The following STK36 variants were observed in gnomAD, a reference collection of about 807,000 sequenced individuals.
The protein encoded by STK36 is serine/threonine kinase 36, also known as serine/threonine-protein kinase 36.
STK36 carries 116 observed loss-of-function variants against 142.2 expected under a neutral mutation model. The ratio of observed to expected loss-of-function variants is 0.82; its 90% confidence interval spans 0.70 to 0.95. STK36 has a LOEUF of 0.95. Among genes scored for constraint, STK36 ranks in the 40% least tolerant of loss-of-function variants. The probability of loss-of-function intolerance (pLI) is 0.00; values close to 1 mark genes in which losing one functional copy is unlikely to be tolerated. For missense variants in STK36, 1,422 were observed against 1,617.2 expected, an observed-to-expected ratio of 0.88 and a Z score of 2.07; for synonymous variants, 619 against 641.7, an observed-to-expected ratio of 0.96 and a Z score of 0.53.
At position 218,694,297 on chromosome 2, in the gene STK36, CTT is replaced by C. The variant is rs1322677783; in HGVS notation, c.2372_2373del (p.Phe791TyrfsTer27). ...EKLGSDVATL[F>X]THSHVVSLVS... is the part of the protein sequence containing the mutation. Reference sequence around the variant, plus strand: ...AGCTAGGCAGTGACGTTGCTACTCTCTTTACCCATTCGCATGTCGTCTCTCTT... The same window carrying C: ...AGCTAGGCAGTGACGTTGCTACTCTCTACCCATTCGCATGTCGTCTCTCTT... On this transcript the variant is annotated frameshift_variant, in exon 20 of 27. Transcript: ENST00000295709. LOFTEE classifies it high-confidence loss of function. The surrounding 1 kb of genome is among the most constrained non-coding windows in gnomAD (Gnocchi z 4.4). 2 of 1,614,164 alleles carry C rather than the reference CTT, an allele frequency of 1.2e-6. No individual in the cohort carries two copies. The highest frequency in any genetic ancestry group is 1.7e-6 in the Non-Finnish European group (2 of 1,179,982).
chr2:218,678,153 G>A (rs1406834012), intron 6 of STK36, among the ~76,000 whole-genome samples: 2 of 151,942 alleles, frequency 1.3e-5, no homozygotes, highest in African/African-American at 4.8e-5. Context: ...GTCTCACTGT[G>A]TTGCCCAGGC....
chr2:218,674,418 C>T (rs982750085), intron 4 of STK36, among the ~76,000 whole-genome samples: 1 of 152,206 alleles, frequency 6.6e-6, no homozygotes, highest in South Asian at 2.1e-4. Context: ...GGATTTGGCA[C>T]CAGGACGTAG....
In STK36 at chr2:218,693,748, G is replaced by A. The variant is rs770496684; in HGVS notation, c.2174G>A (p.Ser725Asn). ...LKVLYSCCLV[S>N]EGLCRLLGQE... is the part of the protein sequence containing the mutation. ...GTTCTATACTCCTGCTGCCTTGTCAGTGAGGGCCTGTGCCGTCTTCTGGGG... is the reference window on the plus strand; with the variant it reads ...GTTCTATACTCCTGCTGCCTTGTCAATGAGGGCCTGTGCCGTCTTCTGGGG... Residue 725 changes from serine to asparagine, a missense_variant, in exon 18 of 27, where the codon AGT becomes AAT. Physicochemically the swap from Ser to Asn is conservative, Grantham distance 46. This residue lies in a region of STK36 where 962 missense variants were observed against 1,167.5 expected (regional missense o/e 0.82). Transcript: ENST00000295709. 6.2e-7 allele frequency: 1 copy of A among 1,614,128 alleles called. No individual in the cohort carries two copies. The highest frequency in any genetic ancestry group is 1.7e-5 in the Admixed American group (1 of 60,032).
chr2:218,679,835 A>G, intron 8 of STK36, 58 bp from the exon 9 acceptor site: 1 of 1,604,208 alleles, frequency 6.2e-7, no homozygotes, highest in Middle Eastern at 1.7e-4. Flanking sequence ...AATAGCATTC[A>G]TATTGTCCTA....
In STK36 at chr2:218,697,758, T is replaced by TA. The variant is rs1435012972; in HGVS notation, c.2910-95dup. 1.9e-5 allele frequency: 30 copies of TA among 1,597,796 alleles called. No homozygotes were observed. The Admixed American group carries it at 2.2e-4, about 12-fold the overall frequency. ...GAAACCTAAGTAGTGGCTGAGACTGTAGAAGGGGAGTTGGGCAAAGGAATT... is the reference window on the plus strand; with the variant it reads ...GAAACCTAAGTAGTGGCTGAGACTGTAAGAAGGGGAGTTGGGCAAAGGAATT... On this transcript the variant is annotated intron_variant, in intron 24 of 26. Coordinates refer to ENST00000295709, the MANE Select transcript of STK36 (RefSeq NM_015690.5).
At chr2:218,690,686 A>G (rs1374787078) in intron 14 of STK36, 131 bp downstream of exon 14, 20 of 734,174 alleles carry the variant, frequency 2.7e-5, no homozygotes, top group South Asian at 3.3e-5. Context: ...CCACCATGCC[A>G]TATGCCATGT....
intron 6 of STK36, among the ~76,000 whole-genome samples, chr2:218,677,353 T>C (rs527936111): frequency 6.6e-6 from 1 of 152,190 alleles, no homozygotes; most frequent in East Asian, 1.9e-4. Flanking sequence ...CCTCCAACAT[T>C]GGGTATTACA....
chr2:218,689,117 C>G lies in STK36; in HGVS notation c.1560+241C>G, dbSNP rs1214295331. Reference sequence around the variant, plus strand: ...GTGGGGAATATGATGAACTAGAGTTCACATGCCTCCTCTAAATAGAGTAGA... The same window carrying G: ...GTGGGGAATATGATGAACTAGAGTTGACATGCCTCCTCTAAATAGAGTAGA... On this transcript the variant is annotated intron_variant, in intron 12 of 26. Coordinates refer to ENST00000295709, the MANE Select transcript of STK36 (RefSeq NM_015690.5). Among the ~76,000 whole-genome samples, 3 of 152,154 alleles carry G rather than the reference C, an allele frequency of 2.0e-5. No individual in the cohort carries two copies. The East Asian group carries it at 5.8e-4, about 29-fold the overall frequency.
At position 218,702,069 on chromosome 2, in the gene STK36, C is replaced by T; in HGVS notation, c.*60C>T. 6.3e-7 allele frequency: 1 copy of T among 1,586,724 alleles called. No homozygotes were observed. The highest frequency in any genetic ancestry group is 8.6e-7 in the Non-Finnish European group (1 of 1,166,128). On this transcript the variant is annotated 3_prime_UTR_variant, in exon 27 of 27. Coordinates refer to ENST00000295709, the MANE Select transcript of STK36 (RefSeq NM_015690.5). ...TTGCCAGCTCTTTCTTATTCTACTA[C>T]ACAAGCCGCCAACTCAACTGAGAGC...
Position 218,697,999 on chromosome 2 carries a change from C to G in STK36, c.3055C>G (p.Gln1019Glu). 1 of 1,614,096 alleles carries G rather than the reference C, an allele frequency of 6.2e-7. No homozygotes were observed. The highest frequency in any genetic ancestry group is 1.3e-5 in the African/African-American group (1 of 75,024). Residue 1019 changes from glutamine to glutamate, a missense_variant and splice_region_variant, in exon 25 of 27, where the codon CAG (glutamine) becomes GAG (glutamate). Around this residue, in one of 2 missense-constraint regions of STK36, gnomAD observed 962 missense variants for 1,167.5 expected, o/e 0.82. Transcript: ENST00000295709. ...CTCAGAAGTTGCAGCCCATCTGCTG[C>G]AGGTACTTGGGCAGCTAGCATGAAG... is the stretch of plus-strand genomic sequence containing the variant. ...RDSEVAAHLL[Q>E]VCCYHLPLMQ...
Position 218,692,132 on chromosome 2 carries a change from C to G in STK36, c.1765-11C>G. ...ATGCCCTGATGCTACCTCTGCACTTCTCTCCTTTAGTGCTTTACTGTCCTG... is the reference window on the plus strand; with the variant it reads ...ATGCCCTGATGCTACCTCTGCACTTGTCTCCTTTAGTGCTTTACTGTCCTG... On this transcript the variant is annotated splice_polypyrimidine_tract_variant and intron_variant, in intron 14 of 26. Transcript: ENST00000295709. 6.2e-7 allele frequency: 1 copy of G among 1,612,652 alleles called. No individual in the cohort carries two copies. The highest frequency in any genetic ancestry group is 1.3e-5 in the African/African-American group (1 of 75,024).
Position 218,701,877 on chromosome 2 carries a change from C to T in STK36, c.3816C>T (p.Ser1272=). The change falls in exon 27 of 27, where the codon TCC becomes TCT. Residue 1272 remains serine, a synonymous_variant. Transcript: ENST00000295709. ...QEPGIHQVLV[S]LGASEKLSLL... ...TCTCTATCCTACAGGTACTGGTGTC[C>T]CTGGGTGCCAGTGAGAAACTATCCT... The T allele has an allele frequency of 6.2e-7, 1 of 1,614,042 alleles. No homozygotes were observed. The highest frequency in any genetic ancestry group is 8.5e-7 in the Non-Finnish European group (1 of 1,180,008).
At chr2:218,675,739 G>A (rs6732979) in intron 5 of STK36, among the ~76,000 whole-genome samples, 10,897 of 151,916 alleles carry the variant, frequency 0.072, 1,177 homozygotes, top group African/African-American at 0.24. Flanking sequence ...GGTCAGGCTG[G>A]TCTCGAACTC....
chr2:218,680,141 C>A, intron 9 of STK36, 61 bp downstream of exon 9: 2 of 1,527,558 alleles, frequency 1.3e-6, no homozygotes, highest in South Asian at 1.2e-5. Flanking sequence ...TTAACTCTAG[C>A]CAAAGCAAAT....
chr2:218,699,808 CTT>C (rs1334284968), intron 26 of STK36, among the ~76,000 whole-genome samples: 31 of 152,318 alleles, frequency 2.0e-4, no homozygotes, highest in Admixed American at 3.3e-4. Flanking sequence ...AATTTAATAA[CTT>C]GTCCAAATTA....
intron 16 of STK36, 57 bp from the exon 17 acceptor site, chr2:218,693,183 G>T: frequency 6.9e-7 from 1 of 1,453,658 alleles, no homozygotes; most frequent in South Asian, 1.2e-5. Context: ...GGACATATGT[G>T]AGGAATAGGG....
intron 21 of STK36, 129 bp from the exon 22 acceptor site, chr2:218,696,398 C>T (rs1477474297): frequency 2.6e-6 from 2 of 755,738 alleles, no homozygotes; most frequent in African/African-American, 1.7e-5. Context: ...TCCCCCAGGC[C>T]CCATATATTC....
chr2:218,679,886 C>T lies in STK36; in HGVS notation c.949-7C>T. ...TCTGATTCAGTGTTGCCCCCTACCT[C>T]CCACAGAAACATCAGAACACAGGAC... On this transcript the variant is annotated splice_polypyrimidine_tract_variant and splice_region_variant and intron_variant, in intron 8 of 26. Transcript: ENST00000295709. 1.2e-6 allele frequency: 2 copies of T among 1,612,278 alleles called. No individual in the cohort carries two copies. The highest frequency in any genetic ancestry group is 1.7e-6 in the Non-Finnish European group (2 of 1,178,846).
chr2:218,679,311 A>G, intron 7 of STK36, 50 bp downstream of exon 7: 1 of 1,547,002 alleles, frequency 6.5e-7, no homozygotes, highest in Non-Finnish European at 8.9e-7. Context: ...TACTTCCTCT[A>G]AACTACTTCC....
Sources: gnomAD v4.1 joint callset for allele counts (sites outside exome capture counted in the v4.1 genomes callset) on GRCh38, gnomAD v4.1.1 for gene constraint, gnomAD v4.1.1 regional missense constraint, Gnocchi (gnomAD v3.1) non-coding constraint, MANE v1.5 for transcripts, NCBI Gene and HGNC (gene_info 2026-07-23, HGNC 2026-07-21) for gene names.